S100Z: variants seen among roughly 807,000 people sequenced by gnomAD.
S100Z encodes the protein protein S100-Z.
S100Z carries 11 observed loss-of-function variants against 8.5 expected under a neutral mutation model. That is an observed-to-expected ratio of 1.30 (90% CI 0.82 to 2.15). S100Z has a LOEUF of 2.15. Ranked by LOEUF, S100Z falls within the 30% of genes most tolerant of loss-of-function variation. The pLI is 0.00. For synonymous variants in S100Z, 34 were observed against 43.8 expected, an observed-to-expected ratio of 0.78 and a Z score of 0.89; for missense variants, 126 against 117.9, an observed-to-expected ratio of 1.07 and a Z score of -0.32.
intron 4 of S100Z, among the ~76,000 whole-genome samples, chr5:76,911,685 A>G (rs1246799828): frequency 6.6e-6 from 1 of 152,172 alleles, no homozygotes; most frequent in Non-Finnish European, 1.5e-5. Context: ...ACTACTCTAG[A>G]TCTCTTGAAC....
At chr5:76,851,042 C>T (rs754388725) in intron 1 of S100Z, among the ~76,000 whole-genome samples, 2 of 152,154 alleles carry the variant, frequency 1.3e-5, no homozygotes, top group Non-Finnish European at 2.9e-5. Flanking sequence ...AGAGTATGTG[C>T]TAATTAACGT....
At chr5:76,873,703 G>C (rs1022309212) in intron 2 of S100Z, among the ~76,000 whole-genome samples, 4 of 152,140 alleles carry the variant, frequency 2.6e-5, no homozygotes, top group Non-Finnish European at 5.9e-5. Context: ...GGGGCAGATG[G>C]GATGGTTGAG....
downstream of S100Z, among the ~76,000 whole-genome samples, chr5:76,925,057 A>G (rs1409638215): frequency 6.6e-6 from 1 of 152,142 alleles, no homozygotes; most frequent in East Asian, 1.9e-4. Context: ...AACCACTTCC[A>G]AGCTTACTCA....
chr5:76,869,352 G>T (rs563689458), intron 1 of S100Z, among the ~76,000 whole-genome samples: 4 of 152,302 alleles, frequency 2.6e-5, no homozygotes, highest in African/African-American at 9.6e-5. Context: ...AGAGATGGGG[G>T]GATGTGGGGT....
intron 4 of S100Z, among the ~76,000 whole-genome samples, chr5:76,881,532 G>T (rs1015298163): frequency 6.6e-5 from 10 of 152,206 alleles, no homozygotes; most frequent in African/African-American, 2.4e-4. Flanking sequence ...ACACTGAGAA[G>T]TGATTTCCTT....
At chr5:76,923,690 C>A (rs112751641), downstream of S100Z, among the ~76,000 whole-genome samples, 449 of 152,302 alleles carry the variant, frequency 2.9e-3, 5 homozygotes, top group African/African-American at 0.01. Flanking sequence ...CACAACACCA[C>A]CATAGCTCCA....
chr5:76,947,210 T>A, the S100Z span, among the ~76,000 whole-genome samples: 1 of 144,194 alleles, frequency 6.9e-6, no homozygotes, highest in Non-Finnish European at 1.5e-5. Flanking sequence ...GGCCCCCCCA[T>A]GTATTCTGGA....
At chr5:76,904,879 A>G (rs535999129) in intron 4 of S100Z, among the ~76,000 whole-genome samples, 2 of 152,232 alleles carry the variant, frequency 1.3e-5, no homozygotes, top group East Asian at 3.9e-4. Context: ...TCTTTTGTAG[A>G]ACATAAATTT....
intron 4 of S100Z, among the ~76,000 whole-genome samples, chr5:76,911,430 A>G (rs1744654563): frequency 6.6e-6 from 1 of 152,188 alleles, no homozygotes; most frequent in South Asian, 2.1e-4. Flanking sequence ...CTGGACCTCA[A>G]GGATGCCTTC....
intron 4 of S100Z, among the ~76,000 whole-genome samples, chr5:76,879,353 A>G (rs913015634): frequency 3.9e-5 from 6 of 152,056 alleles, no homozygotes; most frequent in South Asian, 2.1e-4. Context: ...ATGTGGGGGG[A>G]AAAAAATGAC....
the S100Z span, among the ~76,000 whole-genome samples, chr5:76,945,366 C>G: frequency 1.3e-5 from 2 of 152,164 alleles, no homozygotes; most frequent in Non-Finnish European, 2.9e-5. Context: ...AGCCCGACAC[C>G]CATGAAGGGT....
chr5:76,914,147 G>A (rs917061650), intron 4 of S100Z, among the ~76,000 whole-genome samples: 3 of 152,086 alleles, frequency 2.0e-5, no homozygotes, highest in East Asian at 1.9e-4. Flanking sequence ...CCCCTCTGGA[G>A]GACATTACAA....
chr5:76,870,706 T>C (rs1742978540), intron 2 of S100Z, among the ~76,000 whole-genome samples: 1 of 152,120 alleles, frequency 6.6e-6, no homozygotes, highest in Admixed American at 6.5e-5. Flanking sequence ...TAGATGGTTC[T>C]GGAGCTTAGC....
chr5:76,865,285 C>T (rs1478600510), intron 1 of S100Z, among the ~76,000 whole-genome samples: 1 of 142,986 alleles, frequency 7.0e-6, no homozygotes, highest in African/African-American at 2.6e-5. Context: ...ACTCTTGTTA[C>T]CCAGGCTGGA....
chr5:76,912,104 G>A (rs1160484123), intron 4 of S100Z, among the ~76,000 whole-genome samples: 2 of 151,988 alleles, frequency 1.3e-5, no homozygotes, highest in East Asian at 3.9e-4. Flanking sequence ...TAGTGTCAGA[G>A]GCTATCAAAA....
the S100Z span, among the ~76,000 whole-genome samples, chr5:76,934,971 C>T: frequency 6.6e-6 from 1 of 152,164 alleles, no homozygotes; most frequent in Non-Finnish European, 1.5e-5. Flanking sequence ...GTCATCCTTT[C>T]ATGAAGTGAA....
chr5:76,902,646 T>C (rs1234728894), intron 4 of S100Z, among the ~76,000 whole-genome samples: 12 of 150,160 alleles, frequency 8.0e-5, no homozygotes, highest in Non-Finnish European at 2.9e-5. Context: ...TGTTTTTTTT[T>C]TGTTGTTGTT....
At chr5:76,868,834 G>C (rs549247470) in intron 1 of S100Z, among the ~76,000 whole-genome samples, 1 of 152,152 alleles carries the variant, frequency 6.6e-6, no homozygotes, top group South Asian at 2.1e-4. Flanking sequence ...GTTTTGGTCA[G>C]GCTGGTCTCA....
intron 4 of S100Z, among the ~76,000 whole-genome samples, chr5:76,917,439 C>T (rs1396160888): frequency 6.6e-6 from 1 of 152,112 alleles, no homozygotes; most frequent in African/African-American, 2.4e-5. Flanking sequence ...GGTACTTACA[C>T]AGTTTCATGA....
Sources: allele counts gnomAD v4.1 joint callset (sites outside exome capture counted in the v4.1 genomes callset), GRCh38; gene constraint gnomAD v4.1.1; transcripts MANE v1.5; gene names NCBI Gene and HGNC (gene_info 2026-07-23, HGNC 2026-07-21).